The following SH3PXD2A variants were observed in gnomAD, a reference collection of about 807,000 sequenced individuals.
SH3PXD2A encodes the protein SH3 and PX domains 2A.
SH3PXD2A carries 32 observed loss-of-function variants against 115.2 expected under a neutral mutation model. The observed-to-expected ratio is 0.28, with a 90% CI of 0.21 to 0.37. The LOEUF (loss-of-function observed/expected upper bound fraction) is 0.37, where lower values mean the gene tolerates loss of function less well. Ranked by LOEUF, SH3PXD2A falls within the 10% of genes least tolerant of loss-of-function variation. The probability of loss-of-function intolerance (pLI) is 1.00; values close to 1 mark genes in which losing one functional copy is unlikely to be tolerated. For missense variants in SH3PXD2A, 1,328 were observed against 1,498.7 expected, an observed-to-expected ratio of 0.89 and a Z score of 1.88; for synonymous variants, 610 against 629.1, an observed-to-expected ratio of 0.97 and a Z score of 0.45.
At chr10:103,606,039 A>C (rs2036295133) in intron 13 of SH3PXD2A, 122 bp from the exon 14 acceptor site, 21 of 936,304 alleles carry the variant, frequency 2.2e-5, no homozygotes, top group Non-Finnish European at 3.1e-5. Context: ...GCTGGACAGC[A>C]GCTGGCCTGA....
chr10:103,734,752 A>AAAAT (rs1309562554), intron 4 of SH3PXD2A, among the ~76,000 whole-genome samples: 1 of 152,246 alleles, frequency 6.6e-6, no homozygotes, highest in East Asian at 1.9e-4. Context: ...TTGTCTCATC[A>AAAAT]AAATAAATAA....
chr10:103,854,694 G>T (rs11191829), intron 1 of SH3PXD2A, among the ~76,000 whole-genome samples: 49,862 of 152,138 alleles, frequency 0.33, 8,932 homozygotes, highest in East Asian at 0.65. Context: ...GGTTGGGCAA[G>T]GGGGCGGCGG....
chr10:103,847,704 T>C (rs1842860026), intron 1 of SH3PXD2A, among the ~76,000 whole-genome samples: 3 of 152,218 alleles, frequency 2.0e-5, no homozygotes, highest in Non-Finnish European at 2.9e-5. Flanking sequence ...TTTGGGAGGC[T>C]GAGGCGAGTG....
intron 1 of SH3PXD2A, among the ~76,000 whole-genome samples, chr10:103,819,362 T>G (rs2039354975): frequency 6.6e-6 from 1 of 151,486 alleles, no homozygotes; most frequent in South Asian, 2.1e-4. Context: ...GGTGAAGAGG[T>G]GAGGGTTGTG....
At chr10:103,607,454 C>T (rs2036336762) in intron 13 of SH3PXD2A, among the ~76,000 whole-genome samples, 1 of 151,554 alleles carries the variant, frequency 6.6e-6, no homozygotes, top group Non-Finnish European at 1.5e-5. Context: ...GTGAGGGGCG[C>T]CTCTGCCCAG....
chr10:103,846,033 G>T (rs549515691), intron 1 of SH3PXD2A, among the ~76,000 whole-genome samples: 2 of 152,332 alleles, frequency 1.3e-5, no homozygotes, highest in East Asian at 3.9e-4. Context: ...CAGGTCTAAA[G>T]TTCATGCTCC....
At chr10:103,698,402 C>T (rs1453406311) in intron 5 of SH3PXD2A, among the ~76,000 whole-genome samples, 1 of 152,260 alleles carries the variant, frequency 6.6e-6, no homozygotes, top group Admixed American at 6.5e-5. Context: ...GATGTTCTCA[C>T]CCTTCTGTCT....
At chr10:103,611,469 C>G in intron 13 of SH3PXD2A, 112 bp downstream of exon 13, 1 of 1,019,730 alleles carries the variant, frequency 9.8e-7, no homozygotes, top group Non-Finnish European at 1.5e-6. Flanking sequence ...CAGCAGGGCT[C>G]TGGAAAACCC....
intron 10 of SH3PXD2A, among the ~76,000 whole-genome samples, chr10:103,621,375 C>A (rs1381338883): frequency 3.9e-5 from 6 of 152,186 alleles, no homozygotes; most frequent in African/African-American, 1.4e-4. Context: ...CAGGGTCCAG[C>A]CCAGGCTGTG....
intron 6 of SH3PXD2A, among the ~76,000 whole-genome samples, chr10:103,677,668 C>T (rs572680646): frequency 9.8e-5 from 15 of 152,294 alleles, no homozygotes; most frequent in Non-Finnish European, 1.6e-4. Flanking sequence ...TCCTAGCAAG[C>T]GCATAGCGCA....
At chr10:103,793,242 A>G (rs563741211) in intron 2 of SH3PXD2A, among the ~76,000 whole-genome samples, 42 of 152,204 alleles carry the variant, frequency 2.8e-4, no homozygotes, top group Non-Finnish European at 4.3e-4. Flanking sequence ...TGAGTCGGAT[A>G]CCAATCTGGA....
intron 3 of SH3PXD2A, among the ~76,000 whole-genome samples, chr10:103,740,521 C>T (rs1201554795): frequency 6.6e-6 from 1 of 152,174 alleles, no homozygotes; most frequent in Non-Finnish European, 1.5e-5. Context: ...AATCACCAGA[C>T]ACAGTACCAC....
chr10:103,787,906 T>A (rs753709806), intron 2 of SH3PXD2A, among the ~76,000 whole-genome samples: 2 of 152,198 alleles, frequency 1.3e-5, no homozygotes, highest in Non-Finnish European at 2.9e-5. Flanking sequence ...CCACTTTGTT[T>A]ACTGAGCACC....
chr10:103,678,184 G>T (rs2037564695), intron 6 of SH3PXD2A: 1 of 1,286,878 alleles, frequency 7.8e-7, no homozygotes, highest in Non-Finnish European at 1.0e-6. Context: ...AGGGCTTGGT[G>T]CAGCCTCCCA....
intron 2 of SH3PXD2A, among the ~76,000 whole-genome samples, chr10:103,786,181 T>A (rs895585538): frequency 6.6e-6 from 1 of 152,166 alleles, no homozygotes; most frequent in African/African-American, 2.4e-5. Context: ...GGGAAAGGAC[T>A]CCTCTCCTCT....
At chr10:103,853,829 A>T (rs1195738442) in intron 1 of SH3PXD2A, among the ~76,000 whole-genome samples, 1 of 152,206 alleles carries the variant, frequency 6.6e-6, no homozygotes, top group African/African-American at 2.4e-5. Flanking sequence ...AAACCCTGGG[A>T]TATACAAAGG....
rs115326035 is a variant in SH3PXD2A, at chr10:103,691,723, A to T, written c.427+1305T>A. On this transcript the variant is annotated intron_variant, in intron 6 of 14. Coordinates refer to ENST00000369774, the MANE Select transcript of SH3PXD2A (RefSeq NM_001394015.1). ...CAAATACACACAAACACAGACTCCA[A>T]CCCATAACCAGATATATCTCAACCA... 5.4e-3 allele frequency among the ~76,000 whole-genome samples: 827 copies of T among 151,946 alleles called. 6 individuals carry two copies. Among genetic ancestry groups the T allele is most frequent in the African/African-American group, 0.019 (766 of 41,396 alleles).
intron 3 of SH3PXD2A, among the ~76,000 whole-genome samples, chr10:103,741,992 A>T (rs900761367): frequency 1.3e-5 from 2 of 152,032 alleles, no homozygotes; most frequent in South Asian, 2.1e-4. Context: ...AAAATGCTAT[A>T]AAAAAAATCA....
intron 1 of SH3PXD2A, among the ~76,000 whole-genome samples, chr10:103,852,236 C>T (rs1444805410): frequency 6.6e-6 from 1 of 152,230 alleles, no homozygotes; most frequent in Admixed American, 6.5e-5. Flanking sequence ...GGGCTGAGTG[C>T]CATCCCCATG....
Sources: gnomAD v4.1 joint callset for allele counts (sites outside exome capture counted in the v4.1 genomes callset) on GRCh38, gnomAD v4.1.1 for gene constraint, MANE v1.5 for transcripts, NCBI Gene and HGNC (gene_info 2026-07-23, HGNC 2026-07-21) for gene names.